Variants in NCAM2 observed in about 807,000 individuals in gnomAD.
The protein encoded by NCAM2 is neural cell adhesion molecule 2.
A neutral mutation model predicts 98.1 loss-of-function variants in NCAM2; 30 were observed. The observed-to-expected ratio is 0.31, with a 90% CI of 0.23 to 0.41. NCAM2 has a LOEUF of 0.41. Among genes scored for constraint, NCAM2 ranks in the 10% least tolerant of loss-of-function variants. The pLI is 1.00. For synonymous variants in NCAM2, 368 were observed against 342.4 expected, an observed-to-expected ratio of 1.07 and a Z score of -0.83; for missense variants, 867 against 1,005.8, an observed-to-expected ratio of 0.86 and a Z score of 1.87.
At chr21:21,279,421 C>A (rs1273954467) in intron 1 of NCAM2, among the ~76,000 whole-genome samples, 5 of 152,128 alleles carry the variant, frequency 3.3e-5, no homozygotes, top group African/African-American at 1.2e-4. Context: ...TGCAGTCGTG[C>A]GATCTCGGCT....
intron 8 of NCAM2, among the ~76,000 whole-genome samples, chr21:21,366,435 T>A (rs1337361685): frequency 1.3e-5 from 2 of 152,110 alleles, no homozygotes; most frequent in East Asian, 1.9e-4. Context: ...CTGCCTAATC[T>A]TATTTAATTC....
chr21:21,265,118 A>ATATG (rs2072155264), intron 1 of NCAM2, among the ~76,000 whole-genome samples: 2 of 45,278 alleles, frequency 4.4e-5, no homozygotes, highest in African/African-American at 1.4e-4. Flanking sequence ...ATATATACAT[A>ATATG]CATATATTAT....
intron 5 of NCAM2, among the ~76,000 whole-genome samples, chr21:21,299,160 A>G (rs534367160): frequency 2.0e-5 from 3 of 151,708 alleles, no homozygotes; most frequent in Non-Finnish European, 2.9e-5. Flanking sequence ...CAGGAAAATT[A>G]ATGTCTAAAT....
chr21:21,108,489 GAAGTT>G (rs1455628112), intron 1 of NCAM2, among the ~76,000 whole-genome samples: 1 of 152,100 alleles, frequency 6.6e-6, no homozygotes, highest in Admixed American at 6.6e-5. Flanking sequence ...CTCTGGCTAT[GAAGTT>G]AAGTGTTGCA....
chr21:21,327,137 C>T (rs2074536320), intron 6 of NCAM2, among the ~76,000 whole-genome samples: 1 of 151,990 alleles, frequency 6.6e-6, no homozygotes, highest in Admixed American at 6.6e-5. Context: ...ATTACAGGCG[C>T]AAGCAACCAC....
intron 1 of NCAM2, among the ~76,000 whole-genome samples, chr21:21,181,426 T>C (rs1022526547): frequency 5.9e-5 from 9 of 152,170 alleles, no homozygotes; most frequent in African/African-American, 2.2e-4. Context: ...CAGAATTACA[T>C]AGTTTACAAT....
chr21:21,291,719 C>A (rs1030900759), intron 4 of NCAM2, among the ~76,000 whole-genome samples: 5 of 151,236 alleles, frequency 3.3e-5, no homozygotes, highest in African/African-American at 4.9e-5. Flanking sequence ...ATTTTCTAGC[C>A]CTTTTCCACC....
At chr21:21,272,504 G>GCGCA (rs1214013578) in intron 1 of NCAM2, among the ~76,000 whole-genome samples, 2 of 56,448 alleles carry the variant, frequency 3.5e-5, no homozygotes, top group African/African-American at 5.7e-5. Flanking sequence ...ACATGCGCGC[G>GCGCA]CGCGCACACA....
chr21:21,516,740 CT>C (rs1372759371), intron 16 of NCAM2, among the ~76,000 whole-genome samples: 1 of 152,070 alleles, frequency 6.6e-6, no homozygotes, highest in Non-Finnish European at 1.5e-5. Context: ...TAAAGCTGCT[CT>C]TTTCAGTCGA....
chr21:21,519,840 G>A (rs927654882), intron 16 of NCAM2, among the ~76,000 whole-genome samples: 4 of 152,006 alleles, frequency 2.6e-5, no homozygotes, highest in Non-Finnish European at 2.9e-5. Flanking sequence ...ATGATCCCAA[G>A]CATTCTGAGA....
intron 9 of NCAM2, among the ~76,000 whole-genome samples, chr21:21,402,506 G>C (rs551039337): frequency 6.8e-4 from 103 of 152,226 alleles, no homozygotes; most frequent in Non-Finnish European, 1.2e-3. Context: ...GACAATACGT[G>C]CAATGCTGAA....
At chr21:21,348,606 T>G (rs193215447) in intron 8 of NCAM2, among the ~76,000 whole-genome samples, 285 of 116,500 alleles carry the variant, frequency 2.4e-3, no homozygotes, top group African/African-American at 8.9e-3. Flanking sequence ...TTCTAAAATT[T>G]ATATGGAACA....
intron 1 of NCAM2, among the ~76,000 whole-genome samples, chr21:21,121,098 A>G (rs903741218): frequency 2.0e-5 from 3 of 152,184 alleles, no homozygotes; most frequent in Non-Finnish European, 4.4e-5. Flanking sequence ...TCAGTAGTGT[A>G]CTACTTCACA....
intron 5 of NCAM2, among the ~76,000 whole-genome samples, chr21:21,324,173 C>A (rs1239910282): frequency 6.6e-6 from 1 of 151,816 alleles, no homozygotes; most frequent in African/African-American, 2.4e-5. Flanking sequence ...TGCACATGTA[C>A]CCTAGAACTT....
chr21:21,145,552 C>A (rs1316254519), intron 1 of NCAM2, among the ~76,000 whole-genome samples: 1 of 152,000 alleles, frequency 6.6e-6, no homozygotes, highest in Non-Finnish European at 1.5e-5. Context: ...TATAATAAAA[C>A]CTTTAGTTCC....
At chr21:21,420,848 A>G (rs2077096530) in intron 11 of NCAM2, among the ~76,000 whole-genome samples, 1 of 151,892 alleles carries the variant, frequency 6.6e-6, no homozygotes, top group South Asian at 2.1e-4. Context: ...TATACAAGCA[A>G]ATTAAATTAT....
intron 1 of NCAM2, among the ~76,000 whole-genome samples, chr21:21,068,546 G>A (rs2065491815): frequency 6.9e-6 from 1 of 145,016 alleles, no homozygotes; most frequent in South Asian, 2.2e-4. Flanking sequence ...TGCAACCTCC[G>A]CCTCCCAGGT....
intron 1 of NCAM2, among the ~76,000 whole-genome samples, chr21:21,140,092 A>G (rs2067135485): frequency 6.6e-6 from 1 of 152,184 alleles, no homozygotes; most frequent in Admixed American, 6.5e-5. Context: ...TATGGCTAGA[A>G]TAAGTTTTCA....
At chr21:21,404,045 A>G (rs1218167437) in intron 9 of NCAM2, among the ~76,000 whole-genome samples, 1 of 152,142 alleles carries the variant, frequency 6.6e-6, no homozygotes, top group Non-Finnish European at 1.5e-5. Flanking sequence ...AAAATAATTG[A>G]TGTTGTTTTA....
Sources: allele counts gnomAD v4.1 joint callset (sites outside exome capture counted in the v4.1 genomes callset), GRCh38; gene constraint gnomAD v4.1.1; transcripts MANE v1.5; gene names NCBI Gene and HGNC (gene_info 2026-07-23, HGNC 2026-07-21).